The following PAMR1 variants were observed in gnomAD, a reference collection of about 807,000 sequenced individuals.
PAMR1 encodes inactive serine protease PAMR1.
In PAMR1, 88 loss-of-function variants were observed where a neutral mutation model predicts 81.8. The observed-to-expected ratio is 1.08, with a 90% CI of 0.91 to 1.28. The LOEUF (loss-of-function observed/expected upper bound fraction) is 1.28, where lower values mean the gene tolerates loss of function less well. PAMR1 is among the 50% of genes most tolerant of loss of function. PAMR1 has a pLI of 0.00. For synonymous variants in PAMR1, 336 were observed against 345.3 expected (o/e 0.97, Z 0.30); for missense variants, 935 against 919.7 (o/e 1.02, Z -0.21).
upstream of PAMR1, chr11:35,530,164 T>G (rs1382145671): frequency 6.6e-6 from 1 of 152,252 alleles, no homozygotes; most frequent in Non-Finnish European, 1.5e-5. Context: ...TTGGTTTCCA[T>G]CAGCTGTGCA....
intron 8 of PAMR1, among the ~76,000 whole-genome samples, chr11:35,437,534 A>G (rs1201048054): frequency 6.6e-6 from 1 of 152,068 alleles, no homozygotes; most frequent in Non-Finnish European, 1.5e-5. Flanking sequence ...TTGCAAACAA[A>G]CTCCTCCCTT....
chr11:35,481,824 A>C (rs924531112), intron 3 of PAMR1, among the ~76,000 whole-genome samples: 21 of 152,136 alleles, frequency 1.4e-4, no homozygotes, highest in African/African-American at 4.6e-4. Context: ...GCCTGGCCAT[A>C]AATGTCTTCT....
intron 1 of PAMR1, among the ~76,000 whole-genome samples, chr11:35,504,793 A>G (rs1443025764): frequency 1.3e-5 from 2 of 149,472 alleles, no homozygotes; most frequent in Non-Finnish European, 3.0e-5. Context: ...AGGTTTGTTG[A>G]TTTTATCTTT....
rs1211992890 is a variant in PAMR1, at chr11:35,434,680, G to A, written c.1458C>T (p.Phe486=). 1 of 1,614,158 alleles carries A rather than the reference G, an allele frequency of 6.2e-7. No homozygotes were observed. The highest frequency in any genetic ancestry group is 8.5e-7 in the Non-Finnish European group (1 of 1,180,034). The change falls in exon 10 of 11, where the codon TTC becomes TTT. Residue 486 remains phenylalanine, a synonymous_variant. Transcript: ENST00000619888. ...TCACCAGGGCACCGCTGCAGACTAG[G>A]AACCACGCTCCCTTGTGTAGGCTGC... ...HDGSLHKGAW[F]LVCSGALVNE...
At chr11:35,467,206 G>A (rs1856772915) in intron 6 of PAMR1, among the ~76,000 whole-genome samples, 1 of 152,108 alleles carries the variant, frequency 6.6e-6, no homozygotes, top group Non-Finnish European at 1.5e-5. Flanking sequence ...TATTTTGCCT[G>A]AAATCGCACC....
chr11:35,432,092 T>G lies in PAMR1; in HGVS notation c.*264A>C. On this transcript the variant is annotated 3_prime_UTR_variant, in exon 11 of 11. Coordinates refer to ENST00000619888, the MANE Select transcript of PAMR1 (RefSeq NM_001001991.3). ...CCACCAGGTCAGTGGAGTGGAGAGG[T>G]TTTGTATATGGTCTTCTTTGAAGAA... is the stretch of plus-strand genomic sequence containing the variant. The G allele has an allele frequency of 2.2e-6, 1 of 450,852 alleles. No homozygotes were observed. The highest frequency in any genetic ancestry group is 4.0e-6 in the Non-Finnish European group (1 of 250,756). The allele number at this position is 450,852 out of a possible 1,614,324, so 27.9% of individuals were successfully genotyped here.
Position 35,486,977 on chromosome 11 carries a change from T to C in PAMR1, c.379+5068A>G, listed in dbSNP as rs560405231. 3.9e-5 allele frequency among the ~76,000 whole-genome samples: 6 copies of C among 152,070 alleles called. No homozygotes were observed. The South Asian group carries it at 1.0e-3, about 26-fold the overall frequency. ...CTTCTTTTGGCCAGTGGAATATGGGTGAGTGTGATGTGCGCAGAGGCCTTA... is the reference window on the plus strand; with the variant it reads ...CTTCTTTTGGCCAGTGGAATATGGGCGAGTGTGATGTGCGCAGAGGCCTTA... On this transcript the variant is annotated intron_variant, in intron 3 of 10. Coordinates refer to ENST00000619888, the MANE Select transcript of PAMR1 (RefSeq NM_001001991.3).
In PAMR1 at chr11:35,465,101, T is replaced by C. The variant is rs114813842; in HGVS notation, c.820+2900A>G. 3.4e-3 allele frequency among the ~76,000 whole-genome samples: 516 copies of C among 152,320 alleles called. 2 individuals carry two copies. The highest frequency in any genetic ancestry group is 0.029 in the South Asian group (141 of 4,816). Reference sequence around the variant, plus strand: ...GAACTAAGTGGGAAATGTGAAATTATGGCCTCTGGTTTTGAATTTGATGGG... The same window carrying C: ...GAACTAAGTGGGAAATGTGAAATTACGGCCTCTGGTTTTGAATTTGATGGG... On this transcript the variant is annotated intron_variant, in intron 6 of 10. Transcript: ENST00000619888.
chr11:35,460,997 T>C (rs1185283088), intron 6 of PAMR1, among the ~76,000 whole-genome samples: 1 of 152,226 alleles, frequency 6.6e-6, no homozygotes, highest in Non-Finnish European at 1.5e-5. Context: ...TTTTTAATGA[T>C]CGCCATTCTA....
intron 6 of PAMR1, among the ~76,000 whole-genome samples, chr11:35,455,162 A>T (rs934384125): frequency 6.6e-6 from 1 of 152,256 alleles, no homozygotes; most frequent in African/African-American, 2.4e-5. Flanking sequence ...AAAGTAGCTG[A>T]GATGACCAGG....
chr11:35,453,208 C>A (rs1856455454), intron 6 of PAMR1, among the ~76,000 whole-genome samples: 1 of 152,202 alleles, frequency 6.6e-6, no homozygotes, highest in African/African-American at 2.4e-5. Flanking sequence ...TCACAAAGCA[C>A]CCAACTGCCT....
At chr11:35,490,318 T>A (rs2135398298) in intron 3 of PAMR1, among the ~76,000 whole-genome samples, 1 of 152,252 alleles carries the variant, frequency 6.6e-6, no homozygotes, top group Admixed American at 6.5e-5. Context: ...CACTCCTGCC[T>A]ACCACTCCAA....
At chr11:35,504,980 G>A (rs1850924393) in intron 1 of PAMR1, among the ~76,000 whole-genome samples, 1 of 151,568 alleles carries the variant, frequency 6.6e-6, no homozygotes, top group Non-Finnish European at 1.5e-5. Flanking sequence ...TTTTGATGTA[G>A]GTGTTTATTG....
At chr11:35,466,086 T>A (rs1425980533) in intron 6 of PAMR1, among the ~76,000 whole-genome samples, 7 of 152,174 alleles carry the variant, frequency 4.6e-5, no homozygotes, top group South Asian at 2.1e-4. Flanking sequence ...TTTTTTTTTT[T>A]ATCAAAGTAT....
Position 35,485,788 on chromosome 11 carries a change from A to T in PAMR1, c.379+6257T>A, listed in dbSNP as rs1306317151. Among the ~76,000 whole-genome samples the T allele has an allele frequency of 3.4e-5, 3 of 87,274 alleles. No homozygotes were observed. The Admixed American group carries it at 3.7e-4, about 11-fold the overall frequency. The allele number at this position is 87,274 out of a possible 152,430, so 57.3% of individuals were successfully genotyped here. A position where few individuals can be genotyped will look rare whatever the true frequency, so the allele number is the denominator to read the frequency against. ...CTCCTCCCTCCTTCTAAGGCTCTGT[A>T]TGGTACTCAGGAAAAAAAAATGCCC... On this transcript the variant is annotated intron_variant, in intron 3 of 10. Coordinates refer to ENST00000619888, the MANE Select transcript of PAMR1 (RefSeq NM_001001991.3).
At chr11:35,442,763 C>G in intron 6 of PAMR1, among the ~76,000 whole-genome samples, 1 of 152,114 alleles carries the variant, frequency 6.6e-6, no homozygotes, top group South Asian at 2.1e-4. Flanking sequence ...AGGCACACAC[C>G]AGCTAATTTT....
chr11:35,436,915 A>AT (rs1302664859), intron 8 of PAMR1, among the ~76,000 whole-genome samples: 2 of 152,140 alleles, frequency 1.3e-5, no homozygotes, highest in African/African-American at 4.8e-5. Context: ...AAATGTAGAC[A>AT]TTTTTTTCCT....
chr11:35,458,360 TTTAA>T (rs1394323091), intron 6 of PAMR1, among the ~76,000 whole-genome samples: 1 of 152,228 alleles, frequency 6.6e-6, no homozygotes, highest in Non-Finnish European at 1.5e-5. Flanking sequence ...TTTATTTTAC[TTTAA>T]TTATTTGTAC....
chr11:35,515,989 G>A (rs112580231), intron 1 of PAMR1, among the ~76,000 whole-genome samples: 1 of 152,296 alleles, frequency 6.6e-6, no homozygotes, highest in African/African-American at 2.4e-5. Flanking sequence ...TGAAACTTGT[G>A]TTAGTGAGAA....
Sources: allele counts gnomAD v4.1 joint callset (sites outside exome capture counted in the v4.1 genomes callset), GRCh38; gene constraint gnomAD v4.1.1; transcripts MANE v1.5; gene names NCBI Gene and HGNC (gene_info 2026-07-23, HGNC 2026-07-21).